The following IL1R1 variants were observed in gnomAD, a reference collection of about 807,000 sequenced individuals.
IL1R1 encodes interleukin-1 receptor type 1.
A neutral mutation model predicts 50.2 loss-of-function variants in IL1R1; 22 were observed. The ratio of observed to expected loss-of-function variants is 0.44; its 90% CI spans 0.31 to 0.63. The LOEUF (loss-of-function observed/expected upper bound fraction) is 0.63, where lower values mean the gene tolerates loss of function less well. Ranked by LOEUF, IL1R1 falls within the 20% of genes least tolerant of loss-of-function variation. The pLI is 0.07. For synonymous variants in IL1R1, 251 were observed against 236.7 expected (o/e 1.06, Z -0.55); for missense variants, 509 against 676.2 (o/e 0.75, Z 2.74).
At position 102,154,002 on chromosome 2, in the gene IL1R1, C is replaced by T. The variant is rs1025652273; in HGVS notation, c.-22C>T. On this transcript the variant is annotated 5_prime_UTR_variant, in exon 2 of 12. Coordinates refer to ENST00000410023, the MANE Select transcript of IL1R1 (RefSeq NM_000877.4). ...AGAAGCTGGACCCCTTGGTAAAAGA[C>T]AAGGCCTTCTCCAAGGTAACAGGGC... 2.0e-5 allele frequency: 3 copies of T among 152,318 alleles called. No homozygotes were observed. Among genetic ancestry groups the T allele is most frequent in the Non-Finnish European group, 4.4e-5 (3 of 68,034 alleles). The allele number at this position is 152,318 out of a possible 1,614,324, so 9.4% of individuals were successfully genotyped here.
chr2:102,121,321 G>C (rs1255969129), intron 1 of IL1R1, among the ~76,000 whole-genome samples: 2 of 152,088 alleles, frequency 1.3e-5, no homozygotes, highest in Non-Finnish European at 2.9e-5. Flanking sequence ...CCCCCTCCTC[G>C]GTGCCTAGGA....
At chr2:102,075,379 G>T (rs1678914710) in intron 1 of IL1R1, among the ~76,000 whole-genome samples, 1 of 152,194 alleles carries the variant, frequency 6.6e-6, no homozygotes, top group South Asian at 2.1e-4. Context: ...TGGGGATCCT[G>T]CCATTAGGAG....
At chr2:102,100,416 A>T (rs918446570), upstream of IL1R1, among the ~76,000 whole-genome samples, 19 of 152,018 alleles carry the variant, frequency 1.2e-4, no homozygotes, top group African/African-American at 2.4e-5. Context: ...AGTAGAGCAT[A>T]CTCTTCTAAT....
chr2:102,072,388 T>C (rs1049778889), intron 1 of IL1R1, among the ~76,000 whole-genome samples: 1 of 152,216 alleles, frequency 6.6e-6, no homozygotes, highest in Non-Finnish European at 1.5e-5. Flanking sequence ...TTTTAAAAGT[T>C]TGGCGCTTTA....
At chr2:102,136,940 C>T (rs1336095082) in intron 1 of IL1R1, among the ~76,000 whole-genome samples, 1 of 152,186 alleles carries the variant, frequency 6.6e-6, no homozygotes, top group African/African-American at 2.4e-5. Context: ...CAGAAAATCA[C>T]TGAATGACAA....
intron 1 of IL1R1, among the ~76,000 whole-genome samples, chr2:102,089,094 T>C (rs1679550296): frequency 6.6e-6 from 1 of 152,228 alleles, no homozygotes; most frequent in African/African-American, 2.4e-5. Context: ...AGTAGCACTT[T>C]TAATGTCCTT....
At chr2:102,169,889 A>G (rs72820134) in intron 7 of IL1R1, among the ~76,000 whole-genome samples, 1 of 152,264 alleles carries the variant, frequency 6.6e-6, no homozygotes, top group Non-Finnish European at 1.5e-5. Context: ...AAATTTCAGT[A>G]CCACAGTTAT....
At chr2:102,168,697 G>GTTTTTT in intron 7 of IL1R1, 34 bp downstream of exon 7, 1 of 1,185,700 alleles carries the variant, frequency 8.4e-7, no homozygotes, top group Non-Finnish European at 1.2e-6. Flanking sequence ...TGCTGGAATC[G>GTTTTTT]GTTTTTTTTT....
At position 102,127,766 on chromosome 2, in the gene IL1R1, T is replaced by C. The variant is rs138301303; in HGVS notation, c.-84+22894T>C. 4.6e-3 allele frequency among the ~76,000 whole-genome samples: 696 copies of C among 151,874 alleles called. 4 individuals are homozygous for C. Among genetic ancestry groups the C allele is most frequent in the Non-Finnish European group, 7.2e-3 (491 of 67,960 alleles). ...GAGAGGAAAATCTCTTTGGCAATAG[T>C]GATTTGGATGTTAGTAGTGTAGGAG... On this transcript the variant is annotated intron_variant, in intron 1 of 10. Transcript: ENST00000409329.
At chr2:102,132,905 ATGACT>A (rs900822240) in intron 1 of IL1R1, among the ~76,000 whole-genome samples, 1 of 152,212 alleles carries the variant, frequency 6.6e-6, no homozygotes, top group Non-Finnish European at 1.5e-5. Context: ...AAAGAAATAG[ATGACT>A]TGACTAGCCC....
intron 1 of IL1R1, among the ~76,000 whole-genome samples, chr2:102,086,101 A>C (rs1005361989): frequency 6.6e-6 from 1 of 152,204 alleles, no homozygotes; most frequent in Non-Finnish European, 1.5e-5. Flanking sequence ...TAGCACTGCT[A>C]AACTTGTTTA....
chr2:102,071,656 C>T (rs1429479138), intron 1 of IL1R1, among the ~76,000 whole-genome samples: 41 of 152,322 alleles, frequency 2.7e-4, no homozygotes, highest in Admixed American at 2.7e-3. Context: ...TGGCATTTCC[C>T]TGTATGTCCC....
In IL1R1 at chr2:102,165,216, C is replaced by G; in HGVS notation, c.398C>G (p.Pro133Arg). 1 of 1,607,642 alleles carries G rather than the reference C, an allele frequency of 6.2e-7. No homozygotes were observed. Among genetic ancestry groups the G allele is most frequent in the Non-Finnish European group, 8.5e-7 (1 of 1,177,732 alleles). The change falls in exon 5 of 12, where the codon CCC becomes CGC. Residue 133 changes from proline to arginine, a missense_variant. Pro to Arg is a moderately radical substitution (Grantham distance 103, BLOSUM62 -2). Transcript: ENST00000410023. Reference protein sequence around the residue: ...NAQAIFKQKLPVAGDGGLVCP... With the variant: ...NAQAIFKQKLRVAGDGGLVCP... The stretch of plus-strand genomic sequence containing the variant: ...CAAGCCATATTTAAGCAGAAACTAC[C>G]CGTTGCAGGAGACGGAGGACTTGTG...
chr2:102,072,366 A>G (rs1678770250), intron 1 of IL1R1, among the ~76,000 whole-genome samples: 1 of 152,222 alleles, frequency 6.6e-6, no homozygotes. Flanking sequence ...GCTAAGCCAA[A>G]TAGAATATAG....
intron 1 of IL1R1, among the ~76,000 whole-genome samples, chr2:102,135,481 G>A (rs1043229431): frequency 5.9e-5 from 9 of 152,142 alleles, no homozygotes; most frequent in Admixed American, 1.3e-4. Context: ...AAAGTATTAT[G>A]TTAATGAATG....
intron 1 of IL1R1, among the ~76,000 whole-genome samples, chr2:102,070,985 G>A (rs963411555): frequency 1.3e-5 from 2 of 151,684 alleles, no homozygotes; most frequent in African/African-American, 2.4e-5. Context: ...AGATAGACAT[G>A]GAACTGTCAA....
At chr2:102,101,042 A>G (rs1280955241), upstream of IL1R1, among the ~76,000 whole-genome samples, 1 of 152,188 alleles carries the variant, frequency 6.6e-6, no homozygotes. Context: ...AATGTGTCAC[A>G]CTGGAAAGCA....
intron 1 of IL1R1, among the ~76,000 whole-genome samples, chr2:102,098,257 C>A (rs995352715): frequency 6.6e-6 from 1 of 152,022 alleles, no homozygotes; most frequent in African/African-American, 2.4e-5. Context: ...TCATTCTTAA[C>A]CTGATAAATG....
At chr2:102,176,225 AT>A in intron 11 of IL1R1, 127 bp from the exon 12 acceptor site, 2 of 724,116 alleles carry the variant, frequency 2.8e-6, no homozygotes, top group East Asian at 5.4e-5. Context: ...AACTCCTTTA[AT>A]TTTAAGTAAG....
Sources: allele counts gnomAD v4.1 joint callset (sites outside exome capture counted in the v4.1 genomes callset), GRCh38; gene constraint gnomAD v4.1.1; transcripts MANE v1.5; gene names NCBI Gene and HGNC (gene_info 2026-07-23, HGNC 2026-07-21).